Variants in SLC24A4 observed in about 807,000 individuals in gnomAD.
SLC24A4 encodes the protein sodium/potassium/calcium exchanger 4.
SLC24A4 carries 53 observed loss-of-function variants against 79.0 expected under a neutral mutation model. That is an observed-to-expected ratio of 0.67 (90% CI 0.54 to 0.84). The LOEUF (loss-of-function observed/expected upper bound fraction) is 0.84. SLC24A4 is among the 40% of genes least tolerant of loss of function. The pLI is 0.00. For synonymous variants in SLC24A4, 323 were observed against 323.8 expected, an observed-to-expected ratio of 1.00 and a Z score of 0.03; for missense variants, 731 against 822.0, an observed-to-expected ratio of 0.89 and a Z score of 1.35.
intron 2 of SLC24A4, among the ~76,000 whole-genome samples, chr14:92,370,712 A>G (rs1162697161): frequency 6.6e-6 from 1 of 152,162 alleles, no homozygotes; most frequent in Admixed American, 6.5e-5. Flanking sequence ...ATTCAAGAAC[A>G]CTTCTTAGAA....
At chr14:92,433,674 A>T (rs776678503) in intron 2 of SLC24A4, among the ~76,000 whole-genome samples, 2 of 152,180 alleles carry the variant, frequency 1.3e-5, no homozygotes, top group Non-Finnish European at 2.9e-5. Context: ...AAAATGCAAG[A>T]CATATCTAAA....
intron 2 of SLC24A4, among the ~76,000 whole-genome samples, chr14:92,366,979 C>T (rs924394238): frequency 6.6e-6 from 1 of 152,170 alleles, no homozygotes; most frequent in Admixed American, 6.5e-5. Flanking sequence ...CCTGGCCCTC[C>T]TGGCTCAGGT....
chr14:92,443,391 T>G lies in SLC24A4; in HGVS notation c.583-9T>G, dbSNP rs767501423. 1 of 1,614,088 alleles carries G rather than the reference T, an allele frequency of 6.2e-7. No individual in the cohort carries two copies. The highest frequency in any genetic ancestry group is 1.7e-5 in the Admixed American group (1 of 60,030). On this transcript the variant is annotated splice_polypyrimidine_tract_variant and intron_variant, in intron 6 of 16. Transcript: ENST00000532405. ...CTCATAGCAGCCAACGACGGGGCTC[T>G]GCTGGCAGGTGGTCCGTCTGACGTG...
At chr14:92,420,025 G>A (rs971512550) in intron 2 of SLC24A4, among the ~76,000 whole-genome samples, 10 of 152,194 alleles carry the variant, frequency 6.6e-5, no homozygotes, top group African/African-American at 2.2e-4. Flanking sequence ...GACAGGGGCA[G>A]ACATTGGGGT....
At chr14:92,438,302 G>T (rs1892289392) in intron 3 of SLC24A4, among the ~76,000 whole-genome samples, 1 of 152,126 alleles carries the variant, frequency 6.6e-6, no homozygotes, top group African/African-American at 2.4e-5. Flanking sequence ...TTATTATAAA[G>T]GATATTACCA....
At chr14:92,488,116 G>A (rs1211850110) in intron 14 of SLC24A4, among the ~76,000 whole-genome samples, 1 of 145,858 alleles carries the variant, frequency 6.9e-6, no homozygotes, top group African/African-American at 2.6e-5. Flanking sequence ...CTGTCACCCA[G>A]GCTGGAGTAC....
intron 2 of SLC24A4, among the ~76,000 whole-genome samples, chr14:92,426,269 C>T (rs1314376421): frequency 3.3e-5 from 5 of 152,056 alleles, no homozygotes; most frequent in African/African-American, 1.2e-4. Context: ...TCTGATGAGA[C>T]CTCAGGCTGC....
At chr14:92,417,557 A>C (rs1213260684) in intron 2 of SLC24A4, among the ~76,000 whole-genome samples, 1 of 152,208 alleles carries the variant, frequency 6.6e-6, no homozygotes, top group Non-Finnish European at 1.5e-5. Context: ...GTATTGATAG[A>C]CTTTTGTCTA....
intron 2 of SLC24A4, among the ~76,000 whole-genome samples, chr14:92,352,261 AG>A (rs1886938820): frequency 6.6e-6 from 1 of 152,192 alleles, no homozygotes; most frequent in South Asian, 2.1e-4. Context: ...GCCACCCCAA[AG>A]GAAGGATGTT....
At chr14:92,435,304 C>G (rs1892106133) in intron 3 of SLC24A4, among the ~76,000 whole-genome samples, 1 of 152,206 alleles carries the variant, frequency 6.6e-6, no homozygotes, top group African/African-American at 2.4e-5. Flanking sequence ...AACTACAACC[C>G]TAGCCAAGTC....
chr14:92,419,220 C>T lies in SLC24A4; in HGVS notation c.242-14692C>T, dbSNP rs1891149266. ...GCATAGAACTCACCATCACACGTGG[C>T]TGGCAACCCGACCTGACCTCAGAGC... is the stretch of plus-strand genomic sequence containing the variant. On this transcript the variant is annotated intron_variant, in intron 2 of 16. Transcript: ENST00000532405. 1.3e-5 allele frequency among the ~76,000 whole-genome samples: 2 copies of T among 152,196 alleles called. 1 individual carries two copies. Among genetic ancestry groups the T allele is most frequent in the South Asian group, 4.1e-4 (2 of 4,834 alleles).
intron 12 of SLC24A4, among the ~76,000 whole-genome samples, chr14:92,481,432 A>G (rs1288124613): frequency 1.3e-5 from 2 of 152,246 alleles, no homozygotes; most frequent in Non-Finnish European, 1.5e-5. Context: ...CACACTGGGT[A>G]AGCTCAGATT....
At chr14:92,367,519 T>C (rs1887917352) in intron 2 of SLC24A4, among the ~76,000 whole-genome samples, 1 of 152,156 alleles carries the variant, frequency 6.6e-6, no homozygotes, top group African/African-American at 2.4e-5. Context: ...CCTGGGAAGA[T>C]GAGATTTGAG....
At chr14:92,458,218 G>C (rs1893593582) in intron 12 of SLC24A4, among the ~76,000 whole-genome samples, 1 of 152,128 alleles carries the variant, frequency 6.6e-6, no homozygotes, top group Non-Finnish European at 1.5e-5. Context: ...GTTCAGAATT[G>C]CTGGCCAACA....
intron 14 of SLC24A4, among the ~76,000 whole-genome samples, chr14:92,489,385 A>G (rs1254588928): frequency 6.6e-6 from 1 of 151,954 alleles, no homozygotes; most frequent in Non-Finnish European, 1.5e-5. Flanking sequence ...GTTACAGTGA[A>G]CCACTGCACT....
intron 12 of SLC24A4, among the ~76,000 whole-genome samples, chr14:92,481,227 C>T (rs1170406306): frequency 1.3e-5 from 2 of 152,222 alleles, no homozygotes; most frequent in Non-Finnish European, 2.9e-5. Context: ...TGTGCATGCT[C>T]ATGGTCTGTT....
chr14:92,325,867 G>T lies in SLC24A4; in HGVS notation c.131-1G>T, dbSNP rs773593483. 1 of 1,600,632 alleles carries T rather than the reference G, an allele frequency of 6.2e-7. No homozygotes were observed. The highest frequency in any genetic ancestry group is 2.2e-5 in the East Asian group (1 of 44,842). ...TATCTGTGACTTATTTTCCAATCCA[G>T]GGCACAAAACAGCTTCTGCTAGCAA... On this transcript the variant is annotated splice_acceptor_variant, in intron 1 of 16. Transcript: ENST00000532405. LOFTEE classifies it high-confidence loss of function.
At chr14:92,384,195 G>T (rs1889018466) in intron 2 of SLC24A4, among the ~76,000 whole-genome samples, 1 of 152,130 alleles carries the variant, frequency 6.6e-6, no homozygotes, top group South Asian at 2.1e-4. Flanking sequence ...TTGGGGTAAA[G>T]TAATGTTGGA....
Position 92,486,554 on chromosome 14 carries a change from G to T in SLC24A4, c.1423-112G>T, listed in dbSNP as rs1372565890. ...TTTTGTTTTAAAAGAGGCAGCCCCA[G>T]TAATTCTAAAATAACTGTTTCCTAC... On this transcript the variant is annotated intron_variant, in intron 13 of 16. Transcript: ENST00000532405. 3 of 680,414 alleles carry T rather than the reference G, an allele frequency of 4.4e-6. No individual in the cohort carries two copies. In the African/African-American group the frequency reaches 5.5e-5, roughly 12 times the overall value. 42.1% of individuals were successfully genotyped at this position (680,414 alleles called of 1,614,324 possible).
Sources: allele counts gnomAD v4.1 joint callset (sites outside exome capture counted in the v4.1 genomes callset), GRCh38; gene constraint gnomAD v4.1.1; transcripts MANE v1.5; gene names NCBI Gene and HGNC (gene_info 2026-07-23, HGNC 2026-07-21).